The following EZH2 variants were observed in gnomAD, a reference collection of about 807,000 sequenced individuals.
EZH2 encodes the protein histone-lysine N-methyltransferase EZH2.
In EZH2, 18 loss-of-function variants were observed where a neutral mutation model predicts 98.4. The observed-to-expected ratio is 0.18, with a 90% CI of 0.13 to 0.27. The LOEUF (loss-of-function observed/expected upper bound fraction) is 0.27. Among genes scored for constraint, EZH2 ranks in the 10% least tolerant of loss-of-function variants. The pLI is 1.00. For missense variants in EZH2, 470 were observed against 935.1 expected (o/e 0.50, Z 6.49); for synonymous variants, 338 against 312.3 (o/e 1.08, Z -0.87).
intron 1 of EZH2, among the ~76,000 whole-genome samples, chr7:148,861,791 C>T (rs1054753756): frequency 3.1e-5 from 4 of 130,122 alleles, no homozygotes; most frequent in African/African-American, 1.3e-4. Flanking sequence ...AGCAACATAG[C>T]CTTCTTTTAT....
At chr7:148,832,831 T>TGC in intron 3 of EZH2, 81 bp from the exon 4 acceptor site, 1 of 768,124 alleles carries the variant, frequency 1.3e-6, no homozygotes, top group East Asian at 2.5e-5. Flanking sequence ...AAAGAGATGC[T>TGC]GCCTACCCAA....
Position 148,832,630 on chromosome 7 carries a change from A to C in EZH2, c.363+4T>G, listed in dbSNP as rs1379595344. On this transcript the variant is annotated splice_donor_region_variant and intron_variant, in intron 4 of 19. Coordinates refer to ENST00000320356, the MANE Select transcript of EZH2 (RefSeq NM_004456.5). ...AATAAGCAGAAGATATCTTATTTACATACCATAAAATTCTGCTGTAGGGGA... is the reference window on the plus strand; with the variant it reads ...AATAAGCAGAAGATATCTTATTTACCTACCATAAAATTCTGCTGTAGGGGA... The C allele has an allele frequency of 7.0e-7, 1 of 1,429,328 alleles. No homozygotes were observed. Among genetic ancestry groups the C allele is most frequent in the African/African-American group, 1.4e-5 (1 of 70,682 alleles). 88.5% of individuals were successfully genotyped at this position (1,429,328 alleles called of 1,614,324 possible).
At chr7:148,810,499 C>G (rs1434308768) in intron 16 of EZH2, 85 bp from the exon 17 acceptor site, 1 of 797,534 alleles carries the variant, frequency 1.3e-6, no homozygotes, top group East Asian at 2.5e-5. Context: ...AGAGTGAATA[C>G]TGGACCTTCT....
chr7:148,860,346 G>T (rs1315104035), intron 1 of EZH2, among the ~76,000 whole-genome samples: 1 of 146,318 alleles, frequency 6.8e-6, no homozygotes, highest in East Asian at 2.0e-4. Context: ...AAAAAAAAAA[G>T]ATTTTTAATT....
intron 3 of EZH2, among the ~76,000 whole-genome samples, chr7:148,838,987 G>C (rs1049267930): frequency 8.6e-5 from 13 of 151,778 alleles, no homozygotes; most frequent in African/African-American, 3.1e-4. Flanking sequence ...AGGAGGCAGA[G>C]GTTGAGGTGA....
In EZH2 at chr7:148,837,464, G is replaced by A. The variant is rs149606374; in HGVS notation, c.247-4714C>T. ...GATTTCTGAAACTACCCTATATTCTGCAGGACTTGAGGAAAGAAAAGATAA... is the reference window on the plus strand; with the variant it reads ...GATTTCTGAAACTACCCTATATTCTACAGGACTTGAGGAAAGAAAAGATAA... On this transcript the variant is annotated intron_variant, in intron 3 of 19. Coordinates refer to ENST00000320356, the MANE Select transcript of EZH2 (RefSeq NM_004456.5). 3.1e-3 allele frequency among the ~76,000 whole-genome samples: 476 copies of A among 152,312 alleles called. 2 individuals carry two copies. Among genetic ancestry groups the A allele is most frequent in the African/African-American group, 0.011 (447 of 41,572 alleles).
rs534748877 is a variant in EZH2, at chr7:148,833,246, CAGG to C, written c.247-499_247-497del. Among the ~76,000 whole-genome samples, 39 of 152,060 alleles carry C rather than the reference CAGG, an allele frequency of 2.6e-4. No individual in the cohort carries two copies. The South Asian group carries it at 7.5e-3, about 29-fold the overall frequency. On this transcript the variant is annotated intron_variant, in intron 3 of 19. Coordinates refer to ENST00000320356, the MANE Select transcript of EZH2 (RefSeq NM_004456.5). The stretch of plus-strand genomic sequence containing the variant: ...GGCCGAGACGGGCGGATCACGAGGT[CAGG>C]AGATCGAGACCATCCTGGCTAACAC...
intron 8 of EZH2, among the ~76,000 whole-genome samples, chr7:148,823,806 G>A (rs751034804): frequency 4.6e-5 from 7 of 151,958 alleles, no homozygotes; most frequent in Non-Finnish European, 7.4e-5. Context: ...ATGAGCCACC[G>A]CGCCCAGCAC....
Position 148,816,672 on chromosome 7 carries a change from T to A in EZH2, c.1505+12A>T. 3 of 1,606,834 alleles carry A rather than the reference T, an allele frequency of 1.9e-6. No homozygotes were observed. The highest frequency in any genetic ancestry group is 2.6e-6 in the Non-Finnish European group (3 of 1,173,466). On this transcript the variant is annotated intron_variant, in intron 12 of 19. Coordinates refer to ENST00000320356, the MANE Select transcript of EZH2 (RefSeq NM_004456.5). ...ATGTTGACTTCTCTAAGGAGCTTCA[T>A]GACAGACTCACCGGTGTTTCCTCTT... is the stretch of plus-strand genomic sequence containing the variant.
chr7:148,867,609 A>G (rs1334925156), intron 1 of EZH2, among the ~76,000 whole-genome samples: 1 of 152,162 alleles, frequency 6.6e-6, no homozygotes, highest in African/African-American at 2.4e-5. Flanking sequence ...GGGAGGAAAA[A>G]GCATTTTACC....
chr7:148,810,560 C>A (rs778072371), intron 16 of EZH2, 146 bp from the exon 17 acceptor site: 12 of 537,992 alleles, frequency 2.2e-5, no homozygotes, highest in Non-Finnish European at 3.7e-5. Context: ...CTTTCCCATT[C>A]GGTCTGCGCA....
intron 3 of EZH2, among the ~76,000 whole-genome samples, chr7:148,833,457 A>C (rs1339180544): frequency 2.4e-5 from 2 of 81,722 alleles, no homozygotes; most frequent in Non-Finnish European, 5.3e-5. Flanking sequence ...ACTCCGTCTC[A>C]AAAAAAAAAA....
chr7:148,855,364 C>T (rs10274701), intron 1 of EZH2, among the ~76,000 whole-genome samples: 114,730 of 152,170 alleles, frequency 0.75, 44,310 homozygotes, highest in African/African-American at 0.94. Context: ...CTATACACAG[C>T]ATTAAACAAA....
chr7:148,807,626 G>C lies in EZH2; in HGVS notation c.*20C>G, dbSNP rs763362563. ...AGCTAAGGCAGCTGTTTCAGAGGAG[G>C]GGGGAGGAGGTAGCAGATGTCAAGG... On this transcript the variant is annotated 3_prime_UTR_variant, in exon 20 of 20. Transcript: ENST00000320356. The C allele has an allele frequency of 1.9e-5, 28 of 1,444,126 alleles. No individual in the cohort carries two copies. The highest frequency in any genetic ancestry group is 2.5e-5 in the East Asian group (1 of 39,634). The allele number at this position is 1,444,126 out of a possible 1,614,324, so 89.5% of individuals were successfully genotyped here.
rs781275057 is a variant in EZH2 at position 148,809,334 on chromosome 7, C to T, written c.2086G>A (p.Val696Ile). Residue 696 changes from valine to isoleucine, a missense_variant, in exon 18 of 20, where the codon GTA (valine) becomes ATA (isoleucine). Transcript: ENST00000320356. The stretch of plus-strand genomic sequence containing the variant: ...CCTTTTGCATAGCAGTTTGGATTTA[C>T]CGAATGATTTGCAAAACGAATTTTG... ...GNKIRFANHS[V>I]NPNCYAKVMM... The T allele has an allele frequency of 5.0e-6, 8 of 1,604,008 alleles. No homozygotes were observed. The highest frequency in any genetic ancestry group is 6.8e-6 in the Non-Finnish European group (8 of 1,171,448).
At chr7:148,827,130 A>G (rs1183926096) in intron 7 of EZH2, 34 bp downstream of exon 7, 2 of 1,538,714 alleles carry the variant, frequency 1.3e-6, no homozygotes, top group Admixed American at 3.5e-5. Flanking sequence ...CATACCATAC[A>G]GGGCAAGATT....
chr7:148,876,745 T>C (rs1391209978), intron 1 of EZH2, among the ~76,000 whole-genome samples: 1 of 152,178 alleles, frequency 6.6e-6, no homozygotes, highest in Admixed American at 6.6e-5. Context: ...AAACTTTCTC[T>C]GTAAAGGGCC....
At chr7:148,817,434 ATAATAT>A (rs1202485762) in intron 10 of EZH2, 43 bp from the exon 11 acceptor site, 11 of 1,590,904 alleles carry the variant, frequency 6.9e-6, no homozygotes, top group Non-Finnish European at 9.4e-6. Flanking sequence ...ATGATTGGAA[ATAATAT>A]TAAGAAGTAC....
At position 148,860,586 on chromosome 7, in the gene EZH2, A is replaced by G. The variant is rs78826716; in HGVS notation, c.-7-13281T>C. Among the ~76,000 whole-genome samples the G allele has an allele frequency of 2.0e-3, 305 of 152,358 alleles. 2 individuals are homozygous for G. The highest frequency in any genetic ancestry group is 6.6e-3 in the African/African-American group (273 of 41,588). ...CACCATTCTTCAGCATTTTGGTCTCATGACCTGTTTAGTTTATATGTGTTA... is the reference window on the plus strand; with the variant it reads ...CACCATTCTTCAGCATTTTGGTCTCGTGACCTGTTTAGTTTATATGTGTTA... On this transcript the variant is annotated intron_variant, in intron 1 of 19. Coordinates refer to ENST00000320356, the MANE Select transcript of EZH2 (RefSeq NM_004456.5).
Sources: gnomAD v4.1 joint callset for allele counts (sites outside exome capture counted in the v4.1 genomes callset) on GRCh38, gnomAD v4.1.1 for gene constraint, MANE v1.5 for transcripts, NCBI Gene and HGNC (gene_info 2026-07-23, HGNC 2026-07-21) for gene names.